The following SWI5 variants were observed in gnomAD, a reference collection of about 807,000 sequenced individuals.
SWI5 encodes the protein SWI5 homologous recombination repair protein.
SWI5 carries 12 observed loss-of-function variants against 17.0 expected under a neutral mutation model. The ratio of observed to expected loss-of-function variants is 0.71; its 90% confidence interval spans 0.45 to 1.14. SWI5 has a LOEUF of 1.14. Ranked by LOEUF, SWI5 falls within the 50% of genes most tolerant of loss-of-function variation. The probability of loss-of-function intolerance (pLI) is 0.00; values close to 1 mark genes in which losing one functional copy is unlikely to be tolerated. For missense variants in SWI5, 158 were observed against 162.2 expected, an observed-to-expected ratio of 0.97 and a Z score of 0.14; for synonymous variants, 61 against 64.0, an observed-to-expected ratio of 0.95 and a Z score of 0.22.
At chr9:128,279,242 C>T (rs960097150) in intron 2 of SWI5, among the ~76,000 whole-genome samples, 1 of 152,144 alleles carries the variant, frequency 6.6e-6, no homozygotes, top group African/African-American at 2.4e-5. Flanking sequence ...CCCTACGGGG[C>T]TTGGTGGGCG....
intron 2 of SWI5, among the ~76,000 whole-genome samples, chr9:128,283,540 G>A (rs1831580258): frequency 6.6e-6 from 1 of 152,028 alleles, no homozygotes; most frequent in African/African-American, 2.4e-5. Flanking sequence ...TTGTAAATGA[G>A]AAGAGAGCCC....
chr9:128,281,043 T>C (rs968484907), intron 2 of SWI5, among the ~76,000 whole-genome samples: 38 of 137,458 alleles, frequency 2.8e-4, no homozygotes, highest in African/African-American at 1.0e-3. Flanking sequence ...TTTTTTTTTT[T>C]TTTTTTTTTT....
At chr9:128,288,443 G>T in intron 4 of SWI5, among the ~76,000 whole-genome samples, 1 of 152,226 alleles carries the variant, frequency 6.6e-6, no homozygotes, top group East Asian at 1.9e-4. Context: ...CAGAGCTCCA[G>T]CGTGGCCAGG....
At chr9:128,288,728 G>A (rs374819564) in exon 5 of SWI5, 175 of 1,613,852 alleles carry the variant, frequency 1.1e-4, no homozygotes, top group Non-Finnish European at 1.3e-4. Flanking sequence ...CAGGCTCATC[G>A]CCCCTTGTCC....
chr9:128,276,683 C>A, intron 1 of SWI5, 24 bp from the exon 2 acceptor site: 2 of 1,614,068 alleles, frequency 1.2e-6, no homozygotes, highest in East Asian at 4.5e-5. Flanking sequence ...TCCAATCAGA[C>A]TTTCCCCTCG....
chr9:128,282,585 G>A (rs1379779756), intron 2 of SWI5, among the ~76,000 whole-genome samples: 1 of 152,136 alleles, frequency 6.6e-6, no homozygotes, highest in Non-Finnish European at 1.5e-5. Context: ...GCTAGGCTAT[G>A]CCTTCTATGA....
chr9:128,280,379 C>T (rs1831514608), intron 2 of SWI5, among the ~76,000 whole-genome samples: 1 of 152,110 alleles, frequency 6.6e-6, no homozygotes, highest in Admixed American at 6.6e-5. Context: ...TCACACTCAG[C>T]CTCCTAACCA....
At chr9:128,277,725 G>A (rs1831450053) in intron 2 of SWI5, among the ~76,000 whole-genome samples, 1 of 152,196 alleles carries the variant, frequency 6.6e-6, no homozygotes, top group South Asian at 2.1e-4. Flanking sequence ...CCAGGCTTGG[G>A]CTTGCAAAGA....
intron 4 of SWI5, 94 bp downstream of exon 4, chr9:128,286,127 C>A (rs1831635691): frequency 4.6e-6 from 4 of 872,406 alleles, no homozygotes; most frequent in South Asian, 4.6e-5. Context: ...TCCCAGCTTG[C>A]CAACCGTCAC....
intron 2 of SWI5, among the ~76,000 whole-genome samples, chr9:128,278,185 G>T (rs1180941605): frequency 6.6e-6 from 1 of 151,922 alleles, no homozygotes; most frequent in Non-Finnish European, 1.5e-5. Flanking sequence ...AAACTCGTGA[G>T]CTCAAAGCAA....
Position 128,285,925 on chromosome 9 carries a change from A to G in SWI5, c.234-14A>G, listed in dbSNP as rs1419608263. 23 of 1,598,776 alleles carry G rather than the reference A, an allele frequency of 1.4e-5. No individual in the cohort carries two copies. The East Asian group carries it at 4.9e-4, about 34-fold the overall frequency. On this transcript the variant is annotated splice_polypyrimidine_tract_variant and intron_variant, in intron 3 of 4. Transcript: ENST00000418976. This position sits in a 1 kb window ranked among gnomAD's most constrained non-coding sequence, Gnocchi z 4.8. Reference sequence around the variant, plus strand: ...CTGGGCTGTCTTTCCCCCTCTCTCCATCGCTTATCCCAGAGGCTACAGTGT... The same window carrying G: ...CTGGGCTGTCTTTCCCCCTCTCTCCGTCGCTTATCCCAGAGGCTACAGTGT...
exon 5 of SWI5, chr9:128,288,705 A>G (rs754852764): frequency 6.2e-7 from 1 of 1,614,202 alleles, no homozygotes; most frequent in East Asian, 2.2e-5. Flanking sequence ...TGGGCTGGAC[A>G]TGAATGACTG....
intron 2 of SWI5, among the ~76,000 whole-genome samples, chr9:128,283,899 G>A (rs1831585679): frequency 6.6e-6 from 1 of 151,656 alleles, no homozygotes; most frequent in South Asian, 2.1e-4. Flanking sequence ...TGAGGCTAGA[G>A]GATGGATCAC....
intron 4 of SWI5, among the ~76,000 whole-genome samples, chr9:128,287,367 C>T (rs1409945818): frequency 2.0e-5 from 3 of 150,764 alleles, no homozygotes; most frequent in African/African-American, 7.3e-5. Context: ...ATCACTTGAA[C>T]CCAGGAAACC....
intron 2 of SWI5, among the ~76,000 whole-genome samples, chr9:128,279,586 CT>C (rs1831501147): frequency 6.6e-6 from 1 of 152,242 alleles, no homozygotes; most frequent in African/African-American, 2.4e-5. Flanking sequence ...GACTTTAAGA[CT>C]TTCACTGTTT....
rs1297494269 is a variant in SWI5 at position 128,288,889 on chromosome 9, A to C, written c.*173A>C. ...GAGGCTAGAGAAGAGGCGGGCAGGGAGGAAGGGGCGTTCCCAGCTCCAAGG... is the reference window on the plus strand; with the variant it reads ...GAGGCTAGAGAAGAGGCGGGCAGGGCGGAAGGGGCGTTCCCAGCTCCAAGG... On this transcript the variant is annotated 3_prime_UTR_variant, in exon 5 of 5. Transcript: ENST00000418976. The C allele has an allele frequency of 4.6e-6, 3 of 655,782 alleles. No individual in the cohort carries two copies. In the Admixed American group the frequency reaches 8.5e-5, roughly 19 times the overall value. The allele number at this position is 655,782 out of a possible 1,614,324, so 40.6% of individuals were successfully genotyped here.
chr9:128,288,062 G>A (rs1464425492), intron 4 of SWI5, among the ~76,000 whole-genome samples: 3 of 152,130 alleles, frequency 2.0e-5, no homozygotes, highest in African/African-American at 7.2e-5. Context: ...GTGCTATGAA[G>A]GCGACAAAGG....
chr9:128,282,050 G>A (rs1470397073), intron 2 of SWI5, among the ~76,000 whole-genome samples: 1 of 152,214 alleles, frequency 6.6e-6, no homozygotes, highest in East Asian at 1.9e-4. Context: ...CCGCACTCCA[G>A]CATGGATGAC....
chr9:128,275,907 C>T (rs777963863), upstream of SWI5: 3 of 1,575,430 alleles, frequency 1.9e-6, no homozygotes, highest in South Asian at 1.1e-5. Flanking sequence ...TTCTTCGCTG[C>T]GGCCAATTTG....
Sources: allele counts gnomAD v4.1 joint callset (sites outside exome capture counted in the v4.1 genomes callset), GRCh38; gene constraint gnomAD v4.1.1; non-coding constraint Gnocchi (gnomAD v3.1); transcripts MANE v1.5; gene names NCBI Gene and HGNC (gene_info 2026-07-23, HGNC 2026-07-21).